Variants in MSI2 observed in about 807,000 individuals in gnomAD.
MSI2 encodes the protein musashi RNA binding protein 2.
A neutral mutation model predicts 45.6 loss-of-function variants in MSI2; 17 were observed. The ratio of observed to expected loss-of-function variants is 0.37; its 90% CI spans 0.26 to 0.56. The LOEUF is 0.56. Ranked by LOEUF, MSI2 falls within the 20% of genes least tolerant of loss-of-function variation. The pLI, the probability that MSI2 is intolerant of heterozygous loss-of-function variation, is 0.77. For synonymous variants in MSI2, 156 were observed against 158.2 expected, an observed-to-expected ratio of 0.99 and a Z score of 0.11; for missense variants, 293 against 444.2, an observed-to-expected ratio of 0.66 and a Z score of 3.06.
intron 7 of MSI2, among the ~76,000 whole-genome samples, chr17:57,583,482 A>G (rs890063321): frequency 9.5e-6 from 1 of 105,344 alleles, no homozygotes; most frequent in South Asian, 3.0e-4. Context: ...CCTTCTCCCA[A>G]TGTTTCTTTT....
chr17:57,304,113 C>T (rs1258876869), intron 5 of MSI2, among the ~76,000 whole-genome samples: 4 of 152,236 alleles, frequency 2.6e-5, no homozygotes, highest in South Asian at 4.1e-4. Context: ...AATCCCAGCA[C>T]TTTGGGAGGC....
chr17:57,522,049 G>T (rs547237741), intron 6 of MSI2, among the ~76,000 whole-genome samples: 2 of 152,198 alleles, frequency 1.3e-5, no homozygotes, highest in African/African-American at 4.8e-5. Flanking sequence ...AGCTGGCAGG[G>T]AGAGAGGTGG....
At chr17:57,554,513 A>C (rs1185960935) in intron 7 of MSI2, among the ~76,000 whole-genome samples, 1 of 152,178 alleles carries the variant, frequency 6.6e-6, no homozygotes, top group Non-Finnish European at 1.5e-5. Flanking sequence ...GAAGCGTTAA[A>C]AAGCTCTATT....
At chr17:57,425,469 C>A (rs934591834) in intron 6 of MSI2, among the ~76,000 whole-genome samples, 2 of 152,164 alleles carry the variant, frequency 1.3e-5, no homozygotes, top group Non-Finnish European at 2.9e-5. Context: ...CGGTTGTGTA[C>A]ACTTTTATAT....
intron 6 of MSI2, among the ~76,000 whole-genome samples, chr17:57,415,027 A>G (rs1361525332): frequency 6.6e-6 from 1 of 152,228 alleles, no homozygotes; most frequent in Admixed American, 6.5e-5. Context: ...TAAGAAAAGC[A>G]GTAGACTTGC....
At chr17:57,653,936 ATTT>A (rs35452889) in intron 11 of MSI2, among the ~76,000 whole-genome samples, 1 of 133,726 alleles carries the variant, frequency 7.5e-6, no homozygotes. Flanking sequence ...CCAGTCACAC[ATTT>A]TTTTTTTTTT....
chr17:57,616,046 A>G lies in MSI2; in HGVS notation c.614A>G (p.Tyr205Cys), dbSNP rs769234266. The part of the protein sequence containing the change: ...GTRGRARGLP[Y>C]TMDAFMLGMG... Reference sequence around the variant, plus strand: ...AGAGGCCGGGCCCGGGGACTGCCTTACACCATGGACGCGTTCATGCTTGGC... The same window carrying G: ...AGAGGCCGGGCCCGGGGACTGCCTTGCACCATGGACGCGTTCATGCTTGGC... The change falls in exon 9 of 14, where the codon TAC becomes TGC. Residue 205 changes from tyrosine to cysteine, a missense_variant. Physicochemically the swap from Tyr to Cys is radical, Grantham distance 194. Transcript: ENST00000284073. 6 of 1,614,066 alleles carry G rather than the reference A, an allele frequency of 3.7e-6. No homozygotes were observed. The Admixed American group carries it at 1.0e-4, about 27-fold the overall frequency.
chr17:57,690,147 C>T, the MSI2 span, among the ~76,000 whole-genome samples: 1 of 59,048 alleles, frequency 1.7e-5, no homozygotes, highest in East Asian at 3.8e-4. Context: ...TCGTATTGTT[C>T]AGTTTTTTTT....
chr17:57,427,404 A>G (rs1284814574), intron 6 of MSI2, among the ~76,000 whole-genome samples: 1 of 150,746 alleles, frequency 6.6e-6, no homozygotes, highest in Non-Finnish European at 1.5e-5. Context: ...TCTCCAAAAA[A>G]AAAAAATAAA....
chr17:57,681,168 T>C lies in MSI2; in HGVS notation c.*1651T>C. On this transcript the variant is annotated 3_prime_UTR_variant, in exon 14 of 14. Coordinates refer to ENST00000284073, the MANE Select transcript of MSI2 (RefSeq NM_138962.4). The stretch of plus-strand genomic sequence containing the variant: ...ACTGACAGTTTCCTCTTTGCACATG[T>C]TTAACATTTGGCTGTTATAATATAT... The C allele has an allele frequency of 5.4e-6, 1 of 185,886 alleles. No homozygotes were observed. Among genetic ancestry groups the C allele is most frequent in the Non-Finnish European group, 1.1e-5 (1 of 87,802 alleles). The allele number at this position is 185,886 out of a possible 1,614,324, so 11.5% of individuals were successfully genotyped here. A position where few individuals can be genotyped will look rare whatever the true frequency, so the allele number is the denominator to read the frequency against.
intron 11 of MSI2, among the ~76,000 whole-genome samples, chr17:57,669,041 C>G (rs1273998350): frequency 1.3e-5 from 2 of 152,340 alleles, no homozygotes; most frequent in African/African-American, 2.4e-5. Context: ...CATAGCTGGC[C>G]GGGCAGACTC....
At chr17:57,409,901 G>C (rs549891700) in intron 6 of MSI2, among the ~76,000 whole-genome samples, 1 of 151,346 alleles carries the variant, frequency 6.6e-6, no homozygotes, top group Non-Finnish European at 1.5e-5. Flanking sequence ...CCAGCTACTC[G>C]GGAGGTTGAG....
At chr17:57,543,675 A>G (rs2087102476) in intron 7 of MSI2, among the ~76,000 whole-genome samples, 1 of 152,162 alleles carries the variant, frequency 6.6e-6, no homozygotes, top group Admixed American at 6.5e-5. Context: ...ACACCTGGCA[A>G]TTTTTCTGAG....
chr17:57,290,161 C>G (rs2143455547), intron 5 of MSI2, among the ~76,000 whole-genome samples: 1 of 152,216 alleles, frequency 6.6e-6, no homozygotes, highest in East Asian at 1.9e-4. Context: ...GTTTTCTCAT[C>G]TATAACATGG....
intron 11 of MSI2, 177 bp from the exon 12 acceptor site, chr17:57,674,795 C>T: frequency 1.2e-6 from 1 of 867,542 alleles, no homozygotes; most frequent in South Asian, 1.8e-5. Flanking sequence ...CTGATGTTTT[C>T]GCATGGCCTT....
At chr17:57,620,620 G>A (rs1277386742) in intron 9 of MSI2, among the ~76,000 whole-genome samples, 1 of 152,148 alleles carries the variant, frequency 6.6e-6, no homozygotes, top group Non-Finnish European at 1.5e-5. Context: ...CTGTGCTGTG[G>A]CAACTGCGGC....
At chr17:57,591,991 G>A (rs1240367259) in intron 7 of MSI2, among the ~76,000 whole-genome samples, 1 of 151,850 alleles carries the variant, frequency 6.6e-6, no homozygotes, top group Non-Finnish European at 1.5e-5. Flanking sequence ...TGGCCAACAT[G>A]GTGAAACCCT....
At chr17:57,266,691 T>C (rs1364102967) in intron 5 of MSI2, 2 of 152,202 alleles carry the variant, frequency 1.3e-5, no homozygotes, top group Non-Finnish European at 2.9e-5. Flanking sequence ...TAAAAAAAAG[T>C]ACAATGGTGA....
intron 5 of MSI2, chr17:57,277,890 G>A (rs888516470): frequency 6.6e-6 from 1 of 152,276 alleles, no homozygotes; most frequent in Non-Finnish European, 1.5e-5. Flanking sequence ...GAGCCAAGAT[G>A]CGGACTAGAT....
Sources: allele counts gnomAD v4.1 joint callset (sites outside exome capture counted in the v4.1 genomes callset), GRCh38; gene constraint gnomAD v4.1.1; transcripts MANE v1.5; gene names NCBI Gene and HGNC (gene_info 2026-07-23, HGNC 2026-07-21).